CCDC171: variants seen among roughly 807,000 people sequenced by gnomAD.
CCDC171 encodes coiled-coil domain-containing protein 171.
Under a neutral mutation model 168.2 loss-of-function variants are expected in CCDC171, and 177 were observed. The ratio of observed to expected loss-of-function variants is 1.05; its 90% CI spans 0.93 to 1.19. The LOEUF (loss-of-function observed/expected upper bound fraction) is 1.19, where lower values mean the gene tolerates loss of function less well. Among genes scored for constraint, CCDC171 ranks in the 50% most tolerant of loss-of-function variants. The pLI, the probability that CCDC171 is intolerant of heterozygous loss-of-function variation, is 0.00. For missense variants in CCDC171, 1,991 were observed against 1,539.0 expected, an observed-to-expected ratio of 1.29 and a Z score of -4.91; for synonymous variants, 687 against 540.8, an observed-to-expected ratio of 1.27 and a Z score of -3.75.
At chr9:15,804,916 C>G (rs2059004535) in intron 21 of CCDC171, among the ~76,000 whole-genome samples, 2 of 151,992 alleles carry the variant, frequency 1.3e-5, no homozygotes, top group African/African-American at 4.8e-5. Context: ...CTATTTATTA[C>G]TGCCTCAATT....
chr9:15,574,018 A>C (rs1441725939), intron 3 of CCDC171, among the ~76,000 whole-genome samples: 1 of 152,210 alleles, frequency 6.6e-6, no homozygotes, highest in Admixed American at 6.5e-5. Flanking sequence ...ATATGTTCAC[A>C]TTAAGGAGAT....
chr9:15,697,191 C>G (rs74716608), intron 11 of CCDC171, among the ~76,000 whole-genome samples: 102 of 152,308 alleles, frequency 6.7e-4, no homozygotes, highest in African/African-American at 2.4e-3. Context: ...TGCTCCACTG[C>G]ATTTTTGGCA....
the CCDC171 span, among the ~76,000 whole-genome samples, chr9:16,088,349 T>C: frequency 6.0e-4 from 91 of 152,304 alleles, no homozygotes; most frequent in African/African-American, 2.1e-3. Flanking sequence ...CTATTCAACA[T>C]AGTACTGGAA....
intron 25 of CCDC171, among the ~76,000 whole-genome samples, chr9:15,940,825 C>A (rs1589189595): frequency 6.6e-6 from 1 of 151,810 alleles, no homozygotes. Context: ...AGTTCAAGAA[C>A]AACCAAGGGC....
At chr9:16,017,307 A>G (rs1270166279) in intron 3 of CCDC171, among the ~76,000 whole-genome samples, 2 of 151,954 alleles carry the variant, frequency 1.3e-5, no homozygotes, top group East Asian at 3.9e-4. Flanking sequence ...AAACTGCACA[A>G]AAAAATACCA....
chr9:15,787,247 T>C (rs939393171), intron 21 of CCDC171, among the ~76,000 whole-genome samples: 3 of 150,730 alleles, frequency 2.0e-5, no homozygotes, highest in Admixed American at 1.3e-4. Flanking sequence ...ATAATCCACT[T>C]TTTTTTTTAC....
At chr9:15,910,757 T>C (rs1011979109) in intron 24 of CCDC171, among the ~76,000 whole-genome samples, 1 of 151,856 alleles carries the variant, frequency 6.6e-6, no homozygotes, top group Admixed American at 6.6e-5. Flanking sequence ...CCATATGTTC[T>C]CATTATTCAA....
At chr9:15,619,946 G>A (rs1343527753) in intron 6 of CCDC171, among the ~76,000 whole-genome samples, 1 of 152,088 alleles carries the variant, frequency 6.6e-6, no homozygotes, top group Non-Finnish European at 1.5e-5. Context: ...CTCTATAAAT[G>A]GGACAACAAA....
intron 18 of CCDC171, among the ~76,000 whole-genome samples, chr9:15,751,306 C>G (rs539931428): frequency 3.3e-5 from 5 of 152,310 alleles, no homozygotes. Context: ...ACATTCCATG[C>G]TCATGGATAG....
chr9:16,002,357 C>T (rs1014172768), intron 3 of CCDC171, among the ~76,000 whole-genome samples: 1 of 151,646 alleles, frequency 6.6e-6, no homozygotes, highest in Admixed American at 6.6e-5. Context: ...CCTGTGTGGG[C>T]CTAGACTAAT....
chr9:15,604,258 G>C (rs1453067374), intron 6 of CCDC171, among the ~76,000 whole-genome samples: 1 of 152,016 alleles, frequency 6.6e-6, no homozygotes, highest in Admixed American at 6.6e-5. Flanking sequence ...TTTTTAATTA[G>C]ATCCCATTTG....
At chr9:15,740,397 T>A (rs1588227101) in intron 16 of CCDC171, among the ~76,000 whole-genome samples, 1 of 146,990 alleles carries the variant, frequency 6.8e-6, no homozygotes, top group African/African-American at 2.5e-5. Flanking sequence ...TTTTTTTTTA[T>A]GTACAAATAA....
At chr9:15,557,539 G>C (rs2038912169) in intron 1 of CCDC171, among the ~76,000 whole-genome samples, 1 of 152,096 alleles carries the variant, frequency 6.6e-6, no homozygotes, top group African/African-American at 2.4e-5. Context: ...TTGGCTTTCT[G>C]TCTGTTATTG....
chr9:15,812,831 G>A (rs10962171), intron 21 of CCDC171, among the ~76,000 whole-genome samples: 69,791 of 152,044 alleles, frequency 0.46, 16,357 homozygotes, highest in African/African-American at 0.53. Context: ...TTTGCTGTGC[G>A]TTCCCTGTCC....
chr9:15,779,221 C>T (rs1031767049), intron 20 of CCDC171, 71 bp downstream of exon 20: 1 of 901,844 alleles, frequency 1.1e-6, no homozygotes, highest in East Asian at 3.2e-5. Context: ...TCCTTTTTTC[C>T]TTAACTTTTG....
chr9:16,095,197 A>G, the CCDC171 span, among the ~76,000 whole-genome samples: 9 of 152,174 alleles, frequency 5.9e-5, no homozygotes, highest in Non-Finnish European at 1.3e-4. Flanking sequence ...ATGGGATCCC[A>G]GTGCTAATGT....
Position 15,811,747 on chromosome 9 carries a change from T to A in CCDC171, c.3267+27053T>A, listed in dbSNP as rs115221154. Among the ~76,000 whole-genome samples the A allele has an allele frequency of 2.1e-3, 320 of 152,332 alleles. 2 individuals carry two copies. Among genetic ancestry groups the A allele is most frequent in the African/African-American group, 7.2e-3 (301 of 41,566 alleles). ...CATGTTAGTGGAAGATGTGGAAGAA[T>A]GATTAAAATACATAGTTACTTCGAT... On this transcript the variant is annotated intron_variant, in intron 21 of 25. Transcript: ENST00000380701.
In CCDC171 at chr9:15,616,963, T is replaced by C. The variant is rs141038185; in HGVS notation, c.676-6304T>C. 1.1e-3 allele frequency among the ~76,000 whole-genome samples: 175 copies of C among 152,342 alleles called. 1 individual carries two copies. Among genetic ancestry groups the C allele is most frequent in the African/African-American group, 3.9e-3 (163 of 41,592 alleles). ...CTTTACAGGAAGCATGGTGCTAACA[T>C]CTGCTCGGCTTCTGGGGAGGCCTCA... On this transcript the variant is annotated intron_variant, in intron 6 of 25. Transcript: ENST00000380701.
At chr9:15,605,863 C>T (rs1039003615) in intron 6 of CCDC171, among the ~76,000 whole-genome samples, 9 of 152,044 alleles carry the variant, frequency 5.9e-5, no homozygotes, top group African/African-American at 2.2e-4. Context: ...TTTTGATGTT[C>T]ATACCTTATT....
Sources: allele counts gnomAD v4.1 joint callset (sites outside exome capture counted in the v4.1 genomes callset), GRCh38; gene constraint gnomAD v4.1.1; transcripts MANE v1.5; gene names NCBI Gene and HGNC (gene_info 2026-07-23, HGNC 2026-07-21).